SESTD1: variants seen among roughly 807,000 people sequenced by gnomAD.
SESTD1 encodes SEC14 domain and spectrin repeat-containing protein 1.
Under a neutral mutation model 101.7 loss-of-function variants are expected in SESTD1, and 43 were observed. That is an observed-to-expected ratio of 0.42 (90% CI 0.33 to 0.55). The LOEUF (loss-of-function observed/expected upper bound fraction) is 0.55, where lower values mean the gene tolerates loss of function less well. SESTD1 is among the 20% of genes least tolerant of loss of function. SESTD1 has a pLI of 0.07. For synonymous variants in SESTD1, 283 were observed against 286.8 expected (o/e 0.99, Z 0.13); for missense variants, 647 against 815.1 (o/e 0.79, Z 2.51).
chr2:179,124,405 G>A lies in SESTD1; in HGVS notation c.1126C>T (p.Leu376Phe). 1 of 1,614,116 alleles carries A rather than the reference G, an allele frequency of 6.2e-7. No individual in the cohort carries two copies. The highest frequency in any genetic ancestry group is 8.5e-7 in the Non-Finnish European group (1 of 1,179,996). The change falls in exon 11 of 18, where the codon CTC (leucine) becomes TTC (phenylalanine). Residue 376 changes from leucine to phenylalanine, a missense_variant. Around this residue, in one of 3 missense-constraint regions of SESTD1, gnomAD observed 476 missense variants for 562.6 expected, o/e 0.85. Coordinates refer to ENST00000428443, the MANE Select transcript of SESTD1 (RefSeq NM_178123.5). ...QASQLEFRQN[L>F]LQAALEFHGV... ...TGAAATTCAAGAGCTGCTTGTAAGA[G>A]ATTTTGCCTAAATTCCAGCTGACTG... is the stretch of plus-strand genomic sequence containing the variant.
At chr2:179,255,164 T>C (rs964511618) in intron 1 of SESTD1, among the ~76,000 whole-genome samples, 12 of 152,176 alleles carry the variant, frequency 7.9e-5, no homozygotes, top group Non-Finnish European at 1.0e-4. Context: ...AATACTGAAA[T>C]TAGGCCAATC....
intron 1 of SESTD1, among the ~76,000 whole-genome samples, chr2:179,248,127 C>T (rs1408570036): frequency 1.3e-5 from 2 of 151,840 alleles, no homozygotes; most frequent in African/African-American, 4.8e-5. Context: ...GATCTCATGG[C>T]AGACTCTGCA....
At chr2:179,197,047 G>A (rs1410331190) in intron 1 of SESTD1, among the ~76,000 whole-genome samples, 1 of 152,074 alleles carries the variant, frequency 6.6e-6, no homozygotes, top group Non-Finnish European at 1.5e-5. Context: ...AGGCAAAGAA[G>A]TTGAAAACTT....
intron 7 of SESTD1, 82 bp from the exon 8 acceptor site, chr2:179,146,539 C>T: frequency 8.6e-7 from 1 of 1,167,340 alleles, no homozygotes; most frequent in South Asian, 1.4e-5. Flanking sequence ...TATAAAAAAA[C>T]AGAACAGGGG....
In SESTD1 at chr2:179,147,004, T is replaced by C. The variant is rs542545373; in HGVS notation, c.582-547A>G. 4.6e-5 allele frequency among the ~76,000 whole-genome samples: 7 copies of C among 151,978 alleles called. No homozygotes were observed. In the South Asian group the frequency reaches 8.3e-4, roughly 18 times the overall value. ...TGTGCAGCTGGACATCTGCCTTTATTTTCCTAAACACATACAGGAAAGAAA... is the reference window on the plus strand; with the variant it reads ...TGTGCAGCTGGACATCTGCCTTTATCTTCCTAAACACATACAGGAAAGAAA... On this transcript the variant is annotated intron_variant, in intron 7 of 17. Coordinates refer to ENST00000428443, the MANE Select transcript of SESTD1 (RefSeq NM_178123.5).
chr2:179,176,426 T>C lies in SESTD1; in HGVS notation c.255+22A>G, dbSNP rs774145224. The C allele has an allele frequency of 1.3e-5, 20 of 1,588,104 alleles. No individual in the cohort carries two copies. The East Asian group carries it at 2.0e-4, about 16-fold the overall frequency. ...TTGCTGTAAAATAAAAACCATTTCC[T>C]GATAGACAAAACCAAAATTACCTGT... On this transcript the variant is annotated intron_variant, in intron 4 of 17. Transcript: ENST00000428443.
At chr2:179,243,965 C>T (rs865887775) in intron 1 of SESTD1, among the ~76,000 whole-genome samples, 14 of 143,314 alleles carry the variant, frequency 9.8e-5, no homozygotes, top group African/African-American at 3.2e-4. Context: ...TATATATACA[C>T]ACACACACAC....
At chr2:179,185,450 T>C (rs1265344896) in intron 2 of SESTD1, among the ~76,000 whole-genome samples, 2 of 143,822 alleles carry the variant, frequency 1.4e-5, no homozygotes, top group African/African-American at 5.1e-5. Context: ...AATAGTAATA[T>C]ATAGTATATG....
rs149855878 is a variant in SESTD1 at position 179,239,919 on chromosome 2, A to T, written c.-26+24580T>A. ...TACCTTACTTTAGAAGGACAATCAAACTATTCTGGTGCAGAACATATTATT... is the reference window on the plus strand; with the variant it reads ...TACCTTACTTTAGAAGGACAATCAATCTATTCTGGTGCAGAACATATTATT... On this transcript the variant is annotated intron_variant, in intron 1 of 17. Transcript: ENST00000428443. Among the ~76,000 whole-genome samples the T allele has an allele frequency of 4.3e-3, 653 of 152,332 alleles. 4 individuals carry two copies. The highest frequency in any genetic ancestry group is 0.015 in the African/African-American group (606 of 41,578).
At chr2:179,226,254 G>A (rs141196152) in intron 1 of SESTD1, among the ~76,000 whole-genome samples, 2,123 of 152,228 alleles carry the variant, frequency 0.014, 26 homozygotes, top group Admixed American at 0.032. Flanking sequence ...CCAGTGTGGG[G>A]AAAAATCTGA....
chr2:179,219,770 A>G (rs1466821144), intron 1 of SESTD1, among the ~76,000 whole-genome samples: 1 of 152,224 alleles, frequency 6.6e-6, no homozygotes, highest in African/African-American at 2.4e-5. Context: ...TTTTGCAACA[A>G]TATTGACAGT....
intron 2 of SESTD1, among the ~76,000 whole-genome samples, chr2:179,188,010 AG>A (rs1166478342): frequency 6.6e-6 from 1 of 152,218 alleles, no homozygotes; most frequent in Non-Finnish European, 1.5e-5. Flanking sequence ...CTCCACCGAT[AG>A]AGTTAGACAG....
At chr2:179,144,910 G>A (rs1351408388) in intron 8 of SESTD1, among the ~76,000 whole-genome samples, 2 of 151,762 alleles carry the variant, frequency 1.3e-5, no homozygotes, top group East Asian at 1.9e-4. Context: ...ACATATATAT[G>A]GAATTAAGTT....
Position 179,143,955 on chromosome 2 carries a change from A to G in SESTD1, c.638-152T>C, listed in dbSNP as rs145817539. 3.4e-4 allele frequency: 249 copies of G among 724,984 alleles called. 2 individuals carry two copies. The East Asian group carries it at 6.7e-3, about 19-fold the overall frequency. The allele number at this position is 724,984 out of a possible 1,614,324, so 44.9% of individuals were successfully genotyped here. On this transcript the variant is annotated intron_variant, in intron 8 of 17. Coordinates refer to ENST00000428443, the MANE Select transcript of SESTD1 (RefSeq NM_178123.5). ...GGAATTTAAAAATGTATGTATCACA[A>G]TAAGTAGGAAAACTGTACATATTAA...
intron 5 of SESTD1, among the ~76,000 whole-genome samples, chr2:179,170,622 T>C (rs935964680): frequency 6.6e-6 from 1 of 152,112 alleles, no homozygotes; most frequent in African/African-American, 2.4e-5. Flanking sequence ...AAGTGTTTTT[T>C]TGGATGTTAG....
At chr2:179,217,486 G>C (rs1009733611) in intron 1 of SESTD1, among the ~76,000 whole-genome samples, 3 of 152,156 alleles carry the variant, frequency 2.0e-5, no homozygotes, top group Non-Finnish European at 4.4e-5. Context: ...AAAACATGCT[G>C]GAGAGGATGT....
intron 1 of SESTD1, among the ~76,000 whole-genome samples, chr2:179,224,173 C>A (rs948057521): frequency 6.6e-6 from 1 of 152,148 alleles, no homozygotes; most frequent in Admixed American, 6.5e-5. Flanking sequence ...TTTCCTCACA[C>A]CTCCAAATAA....
chr2:179,112,690 A>C, intron 17 of SESTD1, 34 bp downstream of exon 17: 1 of 1,562,782 alleles, frequency 6.4e-7, no homozygotes, highest in South Asian at 1.2e-5. Context: ...GACCACACCA[A>C]TAAAAAATAA....
intron 1 of SESTD1, among the ~76,000 whole-genome samples, chr2:179,226,029 T>C (rs2046880890): frequency 6.6e-6 from 1 of 152,214 alleles, no homozygotes; most frequent in Non-Finnish European, 1.5e-5. Context: ...TGGTACCTTT[T>C]ATTATTTCCT....
Sources: gnomAD v4.1 joint callset for allele counts (sites outside exome capture counted in the v4.1 genomes callset) on GRCh38, gnomAD v4.1.1 for gene constraint, gnomAD v4.1.1 regional missense constraint, MANE v1.5 for transcripts, NCBI Gene and HGNC (gene_info 2026-07-23, HGNC 2026-07-21) for gene names.